The following RRP1 variants were observed in gnomAD, a reference collection of about 807,000 sequenced individuals.
The protein encoded by RRP1 is ribosomal RNA processing protein 1 homolog A.
In RRP1, 37 loss-of-function variants were observed where a neutral mutation model predicts 54.6. That is an observed-to-expected ratio of 0.68 (90% CI 0.52 to 0.89). RRP1 has a LOEUF of 0.89. Among genes scored for constraint, RRP1 ranks in the 40% least tolerant of loss-of-function variants. The probability of loss-of-function intolerance (pLI) is 0.00; values close to 1 mark genes in which losing one functional copy is unlikely to be tolerated. For synonymous variants in RRP1, 262 were observed against 244.3 expected (o/e 1.07, Z -0.67); for missense variants, 639 against 612.5 (o/e 1.04, Z -0.46).
rs769611441 is a variant in RRP1 at position 43,803,620 on chromosome 21, G to T, written c.1232G>T (p.Gly411Val). 132 of 1,550,852 alleles carry T rather than the reference G, an allele frequency of 8.5e-5. No individual in the cohort carries two copies. The highest frequency in any genetic ancestry group is 1.1e-4 in the Non-Finnish European group (127 of 1,147,762). Reference protein sequence around the residue: ...EARAEAGEQPGTAERALLRDQ... With the variant: ...EARAEAGEQPVTAERALLRDQ... ...CGGGCAGAGGCTGGTGAGCAGCCAG[G>T]CACAGCTGAGCGGGCCCTGCTCCGA... is the stretch of plus-strand genomic sequence containing the variant. The change falls in exon 13 of 13, where the codon GGC (glycine) becomes GTC (valine). Residue 411 changes from glycine to valine, a missense_variant. Gly to Val is a moderately radical substitution (Grantham distance 109). Transcript: ENST00000497547.
Position 43,803,958 on chromosome 21 carries a change from CT to C in RRP1, c.*187del. On this transcript the variant is annotated 3_prime_UTR_variant, in exon 13 of 13. Coordinates refer to ENST00000497547, the MANE Select transcript of RRP1 (RefSeq NM_003683.6). The stretch of plus-strand genomic sequence containing the variant: ...GGGGCCAGCATCCCAGGAACTGGAC[CT>C]TTCCCCAGAGCCTCCGCCTGTGGCT... The C allele has an allele frequency of 2.8e-6, 2 of 722,132 alleles. No individual in the cohort carries two copies. Among genetic ancestry groups the C allele is most frequent in the Non-Finnish European group, 4.3e-6 (2 of 464,540 alleles). The allele number at this position is 722,132 out of a possible 1,614,324, so 44.7% of individuals were successfully genotyped here.
Position 43,798,073 on chromosome 21 carries a change from C to G in RRP1, c.784C>G (p.Gln262Glu). 1 of 1,613,624 alleles carries G rather than the reference C, an allele frequency of 6.2e-7. No homozygotes were observed. The highest frequency in any genetic ancestry group is 8.5e-7 in the Non-Finnish European group (1 of 1,179,808). Residue 262 changes from glutamine to glutamate, a missense_variant, in exon 8 of 13, where the codon CAG (glutamine) becomes GAG (glutamate). Coordinates refer to ENST00000497547, the MANE Select transcript of RRP1 (RefSeq NM_003683.6). ...TGGTGAGCGTGGAGACGCGCTGTCC[C>G]AGAAGAGGTCTGAGAAGCCGCCCGC... is the stretch of plus-strand genomic sequence containing the variant. ...EGGERGDALS[Q>E]KRSEKPPAGS...
intron 9 of RRP1, 72 bp from the exon 10 acceptor site, chr21:43,800,445 A>G (rs2123419837): frequency 6.9e-7 from 1 of 1,439,146 alleles, no homozygotes; most frequent in Non-Finnish European, 9.7e-7. Context: ...TCTGGGTCTC[A>G]GGGGTTCCAC....
chr21:43,800,841 G>T, intron 10 of RRP1, 21 bp from the exon 11 acceptor site: 1 of 1,613,452 alleles, frequency 6.2e-7, no homozygotes. Context: ...TGGTAAGTGG[G>T]TATCTGTCTT....
At chr21:43,791,998 G>A (rs1382485794) in intron 2 of RRP1, among the ~76,000 whole-genome samples, 1 of 152,192 alleles carries the variant, frequency 6.6e-6, no homozygotes, top group Non-Finnish European at 1.5e-5. Context: ...TTTGTCCTGG[G>A]TTGCAAACAA....
intron 12 of RRP1, among the ~76,000 whole-genome samples, chr21:43,802,896 CAG>C (rs1310576348): frequency 6.6e-6 from 1 of 152,290 alleles, no homozygotes; most frequent in East Asian, 1.9e-4. Context: ...GCAGACCACT[CAG>C]GGCCTGGAGC....
Position 43,798,092 on chromosome 21 carries a change from C to T in RRP1, c.803C>T (p.Pro268Leu), listed in dbSNP as rs58028593. Reference protein sequence around the residue: ...DALSQKRSEKPPAGSICRAEP... With the variant: ...DALSQKRSEKLPAGSICRAEP... ...CTGTCCCAGAAGAGGTCTGAGAAGC[C>T]GCCCGCAGGTGGGGGTCACACTGCG... Residue 268 changes from proline (P) to leucine (L), a missense_variant, in exon 8 of 13, where the codon CCG becomes CTG. By Grantham distance (98) the Pro-to-Leu change is moderately conservative. Transcript: ENST00000497547. 7,404 of 1,610,694 alleles carry T rather than the reference C, an allele frequency of 4.6e-3. 298 individuals carry two copies. The African/African-American group carries it at 0.086, about 19-fold the overall frequency.
intron 1 of RRP1, 84 bp from the exon 2 acceptor site, chr21:43,791,266 C>T (rs2084954465): frequency 4.2e-6 from 6 of 1,412,098 alleles, no homozygotes; most frequent in Admixed American, 1.7e-5. Flanking sequence ...TGGTCTCATT[C>T]AGGCAGTCAC....
At chr21:43,801,391 C>T (rs148829610) in intron 11 of RRP1, among the ~76,000 whole-genome samples, 4 of 152,372 alleles carry the variant, frequency 2.6e-5, no homozygotes, top group Admixed American at 2.6e-4. Context: ...ACTTCCTGTC[C>T]TTGCGTGAAG....
At chr21:43,792,611 G>A (rs1458903812) in intron 2 of RRP1, 61 bp from the exon 3 acceptor site, 1 of 1,541,962 alleles carries the variant, frequency 6.5e-7, no homozygotes, top group East Asian at 2.2e-5. Flanking sequence ...GGTTGCGTGT[G>A]TGTCATTGTG....
intron 4 of RRP1, among the ~76,000 whole-genome samples, chr21:43,793,864 A>G (rs1162749253): frequency 6.6e-6 from 1 of 152,132 alleles, no homozygotes; most frequent in African/African-American, 2.4e-5. Context: ...CGTTCAGGGC[A>G]CTGATTTGCC....
intron 4 of RRP1, among the ~76,000 whole-genome samples, chr21:43,793,986 G>A (rs1203934216): frequency 1.3e-5 from 2 of 152,154 alleles, no homozygotes; most frequent in African/African-American, 4.8e-5. Flanking sequence ...CGTTACTAAG[G>A]TGGTGGTCAT....
intron 12 of RRP1, among the ~76,000 whole-genome samples, chr21:43,803,186 G>A (rs970078569): frequency 2.0e-5 from 3 of 152,192 alleles, no homozygotes; most frequent in African/African-American, 4.8e-5. Flanking sequence ...CGGCCCTGGC[G>A]TTCAGGACCT....
At position 43,793,398 on chromosome 21, in the gene RRP1, C is replaced by G. The variant is rs1423556649; in HGVS notation, c.354C>G (p.Phe118Leu). The G allele has an allele frequency of 6.2e-7, 1 of 1,613,252 alleles. No individual in the cohort carries two copies. The highest frequency in any genetic ancestry group is 1.3e-5 in the African/African-American group (1 of 75,060). The part of the protein sequence containing the change: ...TGIDRLRLDK[F>L]YMLMRMVLNE... ...TTGACAGGCTGCGCCTGGATAAATT[C>G]TACATGGTGAGGCAGCCACCAGGGT... Residue 118 changes from phenylalanine (F) to leucine (L), a missense_variant, in exon 4 of 13, where the codon TTC becomes TTG. Transcript: ENST00000497547.
intron 5 of RRP1, among the ~76,000 whole-genome samples, chr21:43,796,672 G>A (rs1021660779): frequency 5.9e-5 from 9 of 152,146 alleles, no homozygotes; most frequent in Non-Finnish European, 1.3e-4. Flanking sequence ...TTTTTCCTGA[G>A]CCTTAGAGAG....
chr21:43,798,502 G>A (rs963666692), intron 8 of RRP1, among the ~76,000 whole-genome samples: 20 of 152,136 alleles, frequency 1.3e-4, no homozygotes, highest in Admixed American at 9.2e-4. Flanking sequence ...TCCCCATAGC[G>A]TCACTCTGTG....
chr21:43,804,027 C>T lies in RRP1; in HGVS notation c.*253C>T. On this transcript the variant is annotated 3_prime_UTR_variant, in exon 13 of 13. Coordinates refer to ENST00000497547, the MANE Select transcript of RRP1 (RefSeq NM_003683.6). This position sits in a 1 kb window ranked among gnomAD's most constrained non-coding sequence, Gnocchi z 4.3. ...GAAGGTCAAACTCCGAAGACTGAAA[C>T]TCTGCCTGCAGCAGGACTGGCCGCC... is the stretch of plus-strand genomic sequence containing the variant. 2.1e-6 allele frequency: 1 copy of T among 481,848 alleles called. No individual in the cohort carries two copies. The highest frequency in any genetic ancestry group is 3.6e-6 in the Non-Finnish European group (1 of 276,464). The allele number at this position is 481,848 out of a possible 1,614,324, so 29.8% of individuals were successfully genotyped here.
rs760895439 is a variant in RRP1 at position 43,793,367 on chromosome 21, C to T, written c.323C>T (p.Thr108Met). The T allele has an allele frequency of 6.4e-5, 104 of 1,613,858 alleles. No individual in the cohort carries two copies. The highest frequency in any genetic ancestry group is 3.3e-4 in the Middle Eastern group (2 of 6,084). Reference sequence around the variant, plus strand: ...TGGCAGACCATGAATCGCGAGTGGACGGGCATTGACAGGCTGCGCCTGGAT... The same window carrying T: ...TGGCAGACCATGAATCGCGAGTGGATGGGCATTGACAGGCTGCGCCTGGAT... ...AFWQTMNREW[T>M]GIDRLRLDKF... Residue 108 changes from threonine to methionine, a missense_variant, in exon 4 of 13, where the codon ACG (threonine) becomes ATG (methionine). Physicochemically the swap from Thr to Met is moderately conservative, Grantham distance 81. Coordinates refer to ENST00000497547, the MANE Select transcript of RRP1 (RefSeq NM_003683.6).
At chr21:43,799,961 C>T (rs1222486645) in intron 9 of RRP1, among the ~76,000 whole-genome samples, 2 of 152,208 alleles carry the variant, frequency 1.3e-5, no homozygotes, top group African/African-American at 2.4e-5. Context: ...ACATGGGCAG[C>T]CCCCCAGATT....
Sources: allele counts gnomAD v4.1 joint callset (sites outside exome capture counted in the v4.1 genomes callset), GRCh38; gene constraint gnomAD v4.1.1; non-coding constraint Gnocchi (gnomAD v3.1); transcripts MANE v1.5; gene names NCBI Gene and HGNC (gene_info 2026-07-23, HGNC 2026-07-21).